The following DPY19L3 variants were observed in gnomAD, a reference collection of about 807,000 sequenced individuals.
The protein encoded by DPY19L3 is dpy-19 like C-mannosyltransferase 3, also known as protein C-mannosyl-transferase DPY19L3.
In DPY19L3, 51 loss-of-function variants were observed where a neutral mutation model predicts 92.3. That is an observed-to-expected ratio of 0.55 (90% CI 0.44 to 0.70). The LOEUF is 0.70. Ranked by LOEUF, DPY19L3 falls within the 30% of genes least tolerant of loss-of-function variation. The pLI is 0.00. For missense variants in DPY19L3, 706 were observed against 855.9 expected (o/e 0.82, Z 2.18); for synonymous variants, 309 against 315.2 (o/e 0.98, Z 0.21).
chr19:32,411,395 G>A (rs771465934), intron 3 of DPY19L3, 23 bp downstream of exon 3: 2 of 1,613,324 alleles, frequency 1.2e-6, no homozygotes, highest in Non-Finnish European at 1.7e-6. Flanking sequence ...TTTGACCATT[G>A]TATCATTCAC....
chr19:32,428,264 G>A (rs1411908965), intron 3 of DPY19L3, among the ~76,000 whole-genome samples: 5 of 152,020 alleles, frequency 3.3e-5, no homozygotes, highest in Admixed American at 6.6e-5. Flanking sequence ...GAGCCACCGC[G>A]CCTGGCCTGT....
At chr19:32,481,044 G>A (rs1163929601) in intron 18 of DPY19L3, 6 of 337,814 alleles carry the variant, frequency 1.8e-5, no homozygotes, top group Admixed American at 4.7e-5. Context: ...TCCACAGGCC[G>A]GCTTTCAGAG....
chr19:32,461,129 A>ATTTT (rs1568352838), intron 12 of DPY19L3, among the ~76,000 whole-genome samples: 1 of 151,278 alleles, frequency 6.6e-6, no homozygotes, highest in East Asian at 1.9e-4. Context: ...GCCTCCCAAA[A>ATTTT]TGTTGGGATG....
Position 32,448,608 on chromosome 19 carries a change from T to C in DPY19L3, c.856-4537T>C, listed in dbSNP as rs149017258. On this transcript the variant is annotated intron_variant, in intron 8 of 18. Coordinates refer to ENST00000392250, the MANE Select transcript of DPY19L3 (RefSeq NM_001172774.2). Reference sequence around the variant, plus strand: ...TAATTAAATCCAAAGGAAGAGAAAATATACTTACTGTTTATTAAGTGGAAG... The same window carrying C: ...TAATTAAATCCAAAGGAAGAGAAAACATACTTACTGTTTATTAAGTGGAAG... Among the ~76,000 whole-genome samples the C allele has an allele frequency of 6.3e-3, 955 of 152,228 alleles. 6 individuals carry two copies. The highest frequency in any genetic ancestry group is 0.021 in the Admixed American group (315 of 15,272).
intron 3 of DPY19L3, among the ~76,000 whole-genome samples, chr19:32,418,944 A>G (rs955019173): frequency 6.6e-6 from 1 of 152,138 alleles, no homozygotes; most frequent in African/African-American, 2.4e-5. Flanking sequence ...GAAGGAAAAG[A>G]TACTGGTTTC....
rs79719572 is a variant in DPY19L3, at chr19:32,458,313, T to C, written c.1164-38T>C. 1.5e-3 allele frequency: 2,347 copies of C among 1,601,062 alleles called. 27 individuals are homozygous for C. In the African/African-American group the frequency reaches 0.029, roughly 20 times the overall value. The stretch of plus-strand genomic sequence containing the variant: ...GATGCAATGTCATTTCTTTGTCTTA[T>C]ATTGAATTTAATACTTTGCTTTCCA... On this transcript the variant is annotated intron_variant, in intron 11 of 18. Coordinates refer to ENST00000392250, the MANE Select transcript of DPY19L3 (RefSeq NM_001172774.2).
chr19:32,448,319 G>A (rs928179402), intron 8 of DPY19L3, among the ~76,000 whole-genome samples: 12 of 152,130 alleles, frequency 7.9e-5, no homozygotes, highest in African/African-American at 1.2e-4. Context: ...GCATGGACAC[G>A]ATCCATTGAA....
intron 8 of DPY19L3, among the ~76,000 whole-genome samples, chr19:32,444,559 C>G (rs1452218465): frequency 6.6e-6 from 1 of 152,104 alleles, no homozygotes. Flanking sequence ...CAAAGAAATA[C>G]TTTCGGAAAA....
intron 15 of DPY19L3, among the ~76,000 whole-genome samples, chr19:32,465,316 C>T (rs974471479): frequency 6.6e-6 from 1 of 152,152 alleles, no homozygotes; most frequent in Non-Finnish European, 1.5e-5. Flanking sequence ...TCTGAAACAG[C>T]ATGAACTGCC....
chr19:32,440,676 A>G (rs1016337553), intron 8 of DPY19L3, among the ~76,000 whole-genome samples: 2 of 152,210 alleles, frequency 1.3e-5, no homozygotes, highest in African/African-American at 4.8e-5. Flanking sequence ...CTACTGAGAC[A>G]CTGTAATAGA....
chr19:32,475,816 ATT>A (rs960071858), intron 16 of DPY19L3, among the ~76,000 whole-genome samples: 2 of 152,160 alleles, frequency 1.3e-5, no homozygotes, highest in African/African-American at 4.8e-5. Context: ...GCTAACATCT[ATT>A]TGTTCTTGTT....
intron 8 of DPY19L3, among the ~76,000 whole-genome samples, chr19:32,441,221 C>T (rs1218182038): frequency 2.0e-5 from 3 of 151,634 alleles, no homozygotes; most frequent in Admixed American, 6.6e-5. Flanking sequence ...AAAAGCTGGG[C>T]GGAAAAGATA....
At chr19:32,434,223 TGGCATGC>T (rs1969063494) in intron 4 of DPY19L3, among the ~76,000 whole-genome samples, 1 of 152,224 alleles carries the variant, frequency 6.6e-6, no homozygotes, top group Non-Finnish European at 1.5e-5. Flanking sequence ...CTTTAGCCTC[TGGCATGC>T]GTGTTTCCCA....
At chr19:32,436,084 A>T (rs1002648197) in intron 4 of DPY19L3, among the ~76,000 whole-genome samples, 3 of 152,252 alleles carry the variant, frequency 2.0e-5, no homozygotes, top group African/African-American at 7.2e-5. Flanking sequence ...GGAGTGGAGA[A>T]GGAAGGCCAT....
At chr19:32,422,412 G>T (rs917189747) in intron 3 of DPY19L3, among the ~76,000 whole-genome samples, 1 of 152,166 alleles carries the variant, frequency 6.6e-6, no homozygotes, top group African/African-American at 2.4e-5. Flanking sequence ...AATCATTATA[G>T]AAATTATGAC....
intron 8 of DPY19L3, among the ~76,000 whole-genome samples, chr19:32,447,770 T>TTG (rs1969550963): frequency 3.5e-5 from 5 of 143,450 alleles, no homozygotes; most frequent in African/African-American, 1.3e-4. Flanking sequence ...GATAGATAGA[T>TTG]AGATAGATTA....
chr19:32,454,867 T>G (rs955038796), intron 9 of DPY19L3, 72 bp from the exon 10 acceptor site: 2 of 995,204 alleles, frequency 2.0e-6, no homozygotes, highest in Non-Finnish European at 3.0e-6. Flanking sequence ...AATCCTTAAG[T>G]AAGCTCATCT....
chr19:32,444,524 G>C (rs1450866170), intron 8 of DPY19L3, among the ~76,000 whole-genome samples: 5 of 152,072 alleles, frequency 3.3e-5, no homozygotes, highest in Non-Finnish European at 7.4e-5. Context: ...CAAGAAAAGA[G>C]TTTACTGAAG....
rs374090634 is a variant in DPY19L3 at position 32,432,662 on chromosome 19, T to C, written c.238-54T>C. 17 of 1,445,672 alleles carry C rather than the reference T, an allele frequency of 1.2e-5. No homozygotes were observed. In the African/African-American group the frequency reaches 2.2e-4, roughly 19 times the overall value. 89.6% of individuals were successfully genotyped at this position (1,445,672 alleles called of 1,614,324 possible). A position where few individuals can be genotyped will look rare whatever the true frequency, so the allele number is the denominator to read the frequency against. The stretch of plus-strand genomic sequence containing the variant: ...ATGTATCCTTTCTACAGTAACAATA[T>C]GTATTTAAACAAAACTAGGTCACAT... On this transcript the variant is annotated intron_variant, in intron 3 of 18. Coordinates refer to ENST00000392250, the MANE Select transcript of DPY19L3 (RefSeq NM_001172774.2).
Sources: allele counts gnomAD v4.1 joint callset (sites outside exome capture counted in the v4.1 genomes callset), GRCh38; gene constraint gnomAD v4.1.1; transcripts MANE v1.5; gene names NCBI Gene and HGNC (gene_info 2026-07-23, HGNC 2026-07-21).